OPCML: variants seen among roughly 807,000 people sequenced by gnomAD.
OPCML encodes the protein opioid-binding protein/cell adhesion molecule.
OPCML carries 13 observed loss-of-function variants against 37.8 expected under a neutral mutation model. The ratio of observed to expected loss-of-function variants is 0.34; its 90% CI spans 0.22 to 0.55. The LOEUF (loss-of-function observed/expected upper bound fraction) is 0.55. OPCML is among the 20% of genes least tolerant of loss of function. OPCML has a pLI of 0.91. For missense variants in OPCML, 341 were observed against 435.6 expected, an observed-to-expected ratio of 0.78 and a Z score of 1.93; for synonymous variants, 176 against 168.8, an observed-to-expected ratio of 1.04 and a Z score of -0.33.
chr11:132,715,151 G>A (rs746284937), intron 2 of OPCML, among the ~76,000 whole-genome samples: 38 of 152,234 alleles, frequency 2.5e-4, no homozygotes, highest in African/African-American at 7.2e-4. Flanking sequence ...CCCTCTCTCC[G>A]GAGTATCATT....
intron 2 of OPCML, among the ~76,000 whole-genome samples, chr11:132,718,737 C>T (rs917254362): frequency 3.3e-5 from 5 of 152,138 alleles, no homozygotes; most frequent in Non-Finnish European, 5.9e-5. Context: ...CACACAAACA[C>T]GTCCTTACTA....
At chr11:132,825,208 G>A (rs527861954) in intron 2 of OPCML, among the ~76,000 whole-genome samples, 54 of 152,188 alleles carry the variant, frequency 3.5e-4, no homozygotes, top group Admixed American at 2.4e-3. Context: ...TACCTGGCAC[G>A]TAGCCTAATT....
At chr11:132,975,205 A>G (rs1320460006) in intron 1 of OPCML, among the ~76,000 whole-genome samples, 1 of 152,040 alleles carries the variant, frequency 6.6e-6, no homozygotes, top group Non-Finnish European at 1.5e-5. Flanking sequence ...GAAAGAAAAT[A>G]TAACAAATAT....
chr11:132,502,552 C>A (rs1251271353), intron 4 of OPCML, among the ~76,000 whole-genome samples: 1 of 152,054 alleles, frequency 6.6e-6, no homozygotes, highest in Admixed American at 6.5e-5. Context: ...AGAATGGGGC[C>A]ACGGAATACA....
chr11:133,142,800 C>T (rs1038632796), intron 1 of OPCML, among the ~76,000 whole-genome samples: 1 of 152,012 alleles, frequency 6.6e-6, no homozygotes, highest in Non-Finnish European at 1.5e-5. Flanking sequence ...TGACTTCAGG[C>T]CAAAGTCCAA....
At chr11:133,215,402 C>A (rs1454033984) in intron 1 of OPCML, among the ~76,000 whole-genome samples, 1 of 152,142 alleles carries the variant, frequency 6.6e-6, no homozygotes, top group Non-Finnish European at 1.5e-5. Context: ...CATTCCTTGC[C>A]CTCTCGGGCA....
At chr11:132,442,644 C>A (rs953993674) in intron 4 of OPCML, among the ~76,000 whole-genome samples, 2 of 152,200 alleles carry the variant, frequency 1.3e-5, no homozygotes, top group Non-Finnish European at 2.9e-5. Context: ...ATTATCCCCA[C>A]GTGTCAAGGG....
intron 1 of OPCML, among the ~76,000 whole-genome samples, chr11:133,402,555 C>A (rs1945429626): frequency 6.6e-6 from 1 of 152,184 alleles, no homozygotes. Flanking sequence ...CACCTTGGAT[C>A]AGCATCTCTT....
intron 2 of OPCML, among the ~76,000 whole-genome samples, chr11:132,753,267 C>G (rs775220672): frequency 2.6e-5 from 4 of 152,166 alleles, no homozygotes; most frequent in African/African-American, 4.8e-5. Flanking sequence ...GCACTTATCC[C>G]AGTAAGCAAT....
chr11:133,310,484 G>C (rs911043513), intron 1 of OPCML, among the ~76,000 whole-genome samples: 2 of 152,112 alleles, frequency 1.3e-5, no homozygotes, highest in African/African-American at 4.8e-5. Flanking sequence ...ATACTTTATG[G>C]CATAAGGTCA....
At chr11:132,960,502 G>T (rs7106410) in intron 1 of OPCML, among the ~76,000 whole-genome samples, 7,790 of 152,198 alleles carry the variant, frequency 0.051, 389 homozygotes, top group African/African-American at 0.13. Context: ...CAGGATCCCT[G>T]CAAAAGCACA....
intron 1 of OPCML, among the ~76,000 whole-genome samples, chr11:133,524,367 T>C (rs1006914277): frequency 2.6e-5 from 4 of 152,232 alleles, no homozygotes; most frequent in Non-Finnish European, 4.4e-5. Flanking sequence ...TAAGCATTGA[T>C]TGACCATTCA....
intron 2 of OPCML, among the ~76,000 whole-genome samples, chr11:132,919,632 G>A (rs139965254): frequency 4.6e-5 from 7 of 152,096 alleles, no homozygotes; most frequent in African/African-American, 7.2e-5. Flanking sequence ...CAGAACCATC[G>A]GAATCAGGTA....
At chr11:132,936,322 T>C (rs1312659924) in intron 2 of OPCML, among the ~76,000 whole-genome samples, 3 of 152,200 alleles carry the variant, frequency 2.0e-5, no homozygotes, top group Non-Finnish European at 4.4e-5. Flanking sequence ...AAAGGTCTTC[T>C]AGGAGCAAAT....
rs373110768 is a variant in OPCML, at chr11:133,051,186, T to C, written c.62-108176A>G. ...CCCATCTTTTTCCCATTCGGACTAA[T>C]AACAATGGAAACAAACCCACACATA... On this transcript the variant is annotated intron_variant, in intron 1 of 7. Transcript: ENST00000524381. Among the ~76,000 whole-genome samples, 33 of 152,304 alleles carry C rather than the reference T, an allele frequency of 2.2e-4. No homozygotes were observed. In the East Asian group the frequency reaches 5.4e-3, roughly 25 times the overall value.
chr11:132,423,539 G>C (rs1342861943), intron 7 of OPCML, among the ~76,000 whole-genome samples: 1 of 152,238 alleles, frequency 6.6e-6, no homozygotes, highest in South Asian at 2.1e-4. Flanking sequence ...TGAAGAGTGT[G>C]AGACAAAAGC....
At chr11:133,102,500 G>C (rs1371371559) in intron 1 of OPCML, among the ~76,000 whole-genome samples, 1 of 152,186 alleles carries the variant, frequency 6.6e-6, no homozygotes, top group Non-Finnish European at 1.5e-5. Context: ...TGTAATCGCA[G>C]AACTTTGGGA....
chr11:132,511,086 A>C (rs1340544013), intron 4 of OPCML, among the ~76,000 whole-genome samples: 1 of 152,200 alleles, frequency 6.6e-6, no homozygotes, highest in African/African-American at 2.4e-5. Flanking sequence ...GTATCTAAAA[A>C]AAGTACTAGA....
chr11:133,483,789 C>CACAGATG lies in OPCML; in HGVS notation c.61+48474_61+48475insCATCTGT, dbSNP rs1565659653. Among the ~76,000 whole-genome samples the CACAGATG allele has an allele frequency of 4.6e-4, 18 of 38,768 alleles. No individual in the cohort carries two copies. The African/African-American group carries it at 4.7e-3, about 10-fold the overall frequency. The allele number at this position is 38,768 out of a possible 152,430, so 25.4% of individuals were successfully genotyped here. A position where few individuals can be genotyped will look rare whatever the true frequency, so the allele number is the denominator to read the frequency against. ...AAAGAGATTTATAGATGGATAGATACATAGATGATAGATAGATAGATAGAT... is the reference window on the plus strand; with the variant it reads ...AAAGAGATTTATAGATGGATAGATACACAGATGATAGATGATAGATAGATAGATAGAT... On this transcript the variant is annotated intron_variant, in intron 1 of 7. Coordinates refer to ENST00000524381, the MANE Select transcript of OPCML (RefSeq NM_001012393.5).
Sources: allele counts gnomAD v4.1 joint callset (sites outside exome capture counted in the v4.1 genomes callset), GRCh38; gene constraint gnomAD v4.1.1; transcripts MANE v1.5; gene names NCBI Gene and HGNC (gene_info 2026-07-23, HGNC 2026-07-21).